Variants in TMEM132D observed in about 807,000 individuals in gnomAD.
The protein encoded by TMEM132D is transmembrane protein 132D.
Under a neutral mutation model 62.3 loss-of-function variants are expected in TMEM132D, and 21 were observed. The observed-to-expected ratio is 0.34, with a 90% CI of 0.24 to 0.49. The LOEUF (loss-of-function observed/expected upper bound fraction) is 0.49. TMEM132D is among the 20% of genes least tolerant of loss of function. The pLI, the probability that TMEM132D is intolerant of heterozygous loss-of-function variation, is 0.99. For synonymous variants in TMEM132D, 621 were observed against 575.6 expected, an observed-to-expected ratio of 1.08 and a Z score of -1.13; for missense variants, 1,346 against 1,402.8, an observed-to-expected ratio of 0.96 and a Z score of 0.65.
chr12:129,719,559 C>T (rs1868734786), intron 1 of TMEM132D, among the ~76,000 whole-genome samples: 1 of 152,338 alleles, frequency 6.6e-6, no homozygotes, highest in Non-Finnish European at 1.5e-5. Context: ...CACTGAATCA[C>T]ACGGGACACA....
intron 4 of TMEM132D, among the ~76,000 whole-genome samples, chr12:129,327,827 A>ATT (rs1868965046): frequency 6.6e-6 from 1 of 152,232 alleles, no homozygotes; most frequent in Non-Finnish European, 1.5e-5. Flanking sequence ...TGATATTAAA[A>ATT]AATAAATCAT....
intron 2 of TMEM132D, among the ~76,000 whole-genome samples, chr12:129,640,696 C>T (rs1483834039): frequency 1.3e-5 from 2 of 152,152 alleles, no homozygotes; most frequent in Non-Finnish European, 2.9e-5. Context: ...AACAAGGGTC[C>T]CCAACCCCCA....
rs185994344 is a variant in TMEM132D at position 129,391,617 on chromosome 12, G to A, written c.1116-53800C>T. Among the ~76,000 whole-genome samples, 5 of 152,288 alleles carry A rather than the reference G, an allele frequency of 3.3e-5. No homozygotes were observed. The East Asian group carries it at 9.7e-4, about 29-fold the overall frequency. On this transcript the variant is annotated intron_variant, in intron 3 of 8. Coordinates refer to ENST00000422113, the MANE Select transcript of TMEM132D (RefSeq NM_133448.3). ...TCATCATTTGTTATACCCCAGTCCA[G>A]TAGTTCTCAATACTGGTTACACATT...
At chr12:129,221,707 C>A (rs1879349533) in intron 4 of TMEM132D, among the ~76,000 whole-genome samples, 1 of 152,164 alleles carries the variant, frequency 6.6e-6, no homozygotes, top group African/African-American at 2.4e-5. Flanking sequence ...AATTTCCCAA[C>A]AAAGATCAGT....
At chr12:129,556,295 GC>G (rs1877055268) in intron 2 of TMEM132D, among the ~76,000 whole-genome samples, 1 of 152,122 alleles carries the variant, frequency 6.6e-6, no homozygotes, top group South Asian at 2.1e-4. Flanking sequence ...TGCTGTTTCT[GC>G]CTCTGCCACC....
chr12:129,656,445 A>T (rs914829896), intron 2 of TMEM132D, among the ~76,000 whole-genome samples: 1 of 152,188 alleles, frequency 6.6e-6, no homozygotes, highest in Non-Finnish European at 1.5e-5. Flanking sequence ...TGAAAGCTCC[A>T]TATCTACAGG....
intron 1 of TMEM132D, among the ~76,000 whole-genome samples, chr12:129,785,142 C>T (rs1383396542): frequency 2.0e-5 from 3 of 152,156 alleles, no homozygotes; most frequent in East Asian, 1.9e-4. Context: ...AGGGTGAAGA[C>T]CACTGAGTGC....
intron 4 of TMEM132D, among the ~76,000 whole-genome samples, chr12:129,241,100 T>A (rs113446395): frequency 0.011 from 1,578 of 149,964 alleles, 29 homozygotes; most frequent in African/African-American, 0.033. Context: ...TAATATGTTA[T>A]TTATACTCCA....
intron 1 of TMEM132D, chr12:129,840,520 AAT>A (rs1308818219): frequency 8.5e-5 from 13 of 152,338 alleles, no homozygotes; most frequent in South Asian, 4.1e-4. Flanking sequence ...AGAAAAATAA[AAT>A]ATGTTTTAGT....
At chr12:129,806,806 G>T (rs1195703799) in intron 1 of TMEM132D, among the ~76,000 whole-genome samples, 2 of 152,158 alleles carry the variant, frequency 1.3e-5, no homozygotes, top group Admixed American at 6.5e-5. Flanking sequence ...TGGGTGCATT[G>T]CTTGAGCCCA....
intron 1 of TMEM132D, among the ~76,000 whole-genome samples, chr12:129,772,530 T>C (rs1870789351): frequency 6.6e-6 from 1 of 152,168 alleles, no homozygotes; most frequent in African/African-American, 2.4e-5. Context: ...AACATAACAT[T>C]TGCATTCCAT....
At chr12:129,528,937 C>T (rs1876136764) in intron 3 of TMEM132D, among the ~76,000 whole-genome samples, 2 of 152,222 alleles carry the variant, frequency 1.3e-5, no homozygotes, top group African/African-American at 4.8e-5. Flanking sequence ...AACAAAACAC[C>T]TGTAAAATGT....
intron 3 of TMEM132D, among the ~76,000 whole-genome samples, chr12:129,467,244 T>G (rs550967726): frequency 1.8e-4 from 27 of 152,258 alleles, no homozygotes; most frequent in Non-Finnish European, 3.7e-4. Context: ...TGGGTCTGGA[T>G]CCAAACATGG....
intron 5 of TMEM132D, among the ~76,000 whole-genome samples, chr12:129,198,705 A>G (rs932538756): frequency 6.6e-6 from 1 of 152,226 alleles, no homozygotes; most frequent in African/African-American, 2.4e-5. Flanking sequence ...TTATTTTTTA[A>G]AAATCTATCT....
chr12:129,870,465 C>A (rs1398905604), intron 1 of TMEM132D, among the ~76,000 whole-genome samples: 1 of 152,200 alleles, frequency 6.6e-6, no homozygotes, highest in South Asian at 2.1e-4. Flanking sequence ...AAACTCTGGA[C>A]TGCAGGCTCA....
intron 2 of TMEM132D, among the ~76,000 whole-genome samples, chr12:129,597,007 G>T (rs181093007): frequency 6.6e-6 from 1 of 152,188 alleles, no homozygotes; most frequent in African/African-American, 2.4e-5. Flanking sequence ...TGGTTGAAAC[G>T]CAGGTGAGAG....
intron 4 of TMEM132D, among the ~76,000 whole-genome samples, chr12:129,331,154 T>G (rs1449796292): frequency 6.6e-6 from 1 of 152,130 alleles, no homozygotes; most frequent in East Asian, 1.9e-4. Flanking sequence ...CTGAGATGCT[T>G]TTCCCCTTTC....
intron 1 of TMEM132D, among the ~76,000 whole-genome samples, chr12:129,710,815 C>T (rs1302001460): frequency 1.3e-5 from 2 of 152,164 alleles, no homozygotes; most frequent in East Asian, 3.9e-4. Flanking sequence ...TCCCTTCCGC[C>T]GCCTCCTCTC....
Position 129,214,032 on chromosome 12 carries a change from C to T in TMEM132D, c.1300-4369G>A, listed in dbSNP as rs185150390. Among the ~76,000 whole-genome samples, 11 of 152,318 alleles carry T rather than the reference C, an allele frequency of 7.2e-5. No individual in the cohort carries two copies. The East Asian group carries it at 1.7e-3, about 24-fold the overall frequency. On this transcript the variant is annotated intron_variant, in intron 4 of 8. Coordinates refer to ENST00000422113, the MANE Select transcript of TMEM132D (RefSeq NM_133448.3). The stretch of plus-strand genomic sequence containing the variant: ...ATTTATACACCAAACCTAAGTGCTG[C>T]TCCTAAACAGACCACTGCTTAGCAC...
Sources: allele counts gnomAD v4.1 joint callset (sites outside exome capture counted in the v4.1 genomes callset), GRCh38; gene constraint gnomAD v4.1.1; transcripts MANE v1.5; gene names NCBI Gene and HGNC (gene_info 2026-07-23, HGNC 2026-07-21).